RGS6: variants seen among roughly 807,000 people sequenced by gnomAD.
The protein encoded by RGS6 is regulator of G-protein signaling 6.
RGS6 carries 30 observed loss-of-function variants against 78.5 expected under a neutral mutation model. The ratio of observed to expected loss-of-function variants is 0.38; its 90% CI spans 0.29 to 0.52. The LOEUF is 0.52. Among genes scored for constraint, RGS6 ranks in the 20% least tolerant of loss-of-function variants. RGS6 has a pLI of 0.85. For synonymous variants in RGS6, 206 were observed against 206.0 expected (o/e 1.00, Z 0.00); for missense variants, 495 against 609.7 (o/e 0.81, Z 1.98).
At chr14:72,388,604 G>T (rs2089011050) in intron 3 of RGS6, among the ~76,000 whole-genome samples, 1 of 152,118 alleles carries the variant, frequency 6.6e-6, no homozygotes, top group South Asian at 2.1e-4. Context: ...AGAGTACATG[G>T]TCATTTCTCC....
chr14:72,540,576 C>T (rs187022013), intron 17 of RGS6: 223 of 1,529,994 alleles, frequency 1.5e-4, no homozygotes, highest in African/African-American at 1.1e-3. Flanking sequence ...GCTGTGTAGG[C>T]GGCTTTTGCT....
chr14:72,363,918 A>C (rs2081968637), intron 3 of RGS6, among the ~76,000 whole-genome samples: 1 of 151,282 alleles, frequency 6.6e-6, no homozygotes, highest in Non-Finnish European at 1.5e-5. Context: ...ACAAAACTCA[A>C]GAATCTGAAA....
intron 3 of RGS6, among the ~76,000 whole-genome samples, chr14:72,399,400 T>A (rs1269410347): frequency 6.6e-6 from 1 of 152,068 alleles, no homozygotes; most frequent in African/African-American, 2.4e-5. Flanking sequence ...TCTTCCTCCA[T>A]CCCTTTATTT....
chr14:72,107,524 A>G (rs2095658625), intron 2 of RGS6, among the ~76,000 whole-genome samples: 1 of 152,166 alleles, frequency 6.6e-6, no homozygotes, highest in South Asian at 2.1e-4. Context: ...AAATGTCAAA[A>G]CCACAAACCA....
chr14:72,629,842 G>T, the RGS6 span: 2 of 908,230 alleles, frequency 2.2e-6, no homozygotes. Flanking sequence ...GCAGGGCAGG[G>T]TAGCATGACG....
chr14:72,093,033 AGTGTGTGTGT>A (rs10567555), intron 2 of RGS6, among the ~76,000 whole-genome samples: 5 of 149,662 alleles, frequency 3.3e-5, no homozygotes, highest in Admixed American at 2.0e-4. Flanking sequence ...ACATACCAAA[AGTGTGTGTGT>A]GTGTGTGTGT....
intron 2 of RGS6, among the ~76,000 whole-genome samples, chr14:72,013,516 A>C (rs2086304358): frequency 6.6e-6 from 1 of 152,180 alleles, no homozygotes; most frequent in South Asian, 2.1e-4. Flanking sequence ...TGAAGGAAGA[A>C]TTAGTCTTGT....
intron 15 of RGS6, among the ~76,000 whole-genome samples, chr14:72,527,517 A>C (rs1308903375): frequency 1.3e-5 from 2 of 152,230 alleles, no homozygotes; most frequent in Admixed American, 6.5e-5. Context: ...ACTACTTCAG[A>C]GCAAACATCA....
At chr14:71,998,361 T>TGG (rs2082774842) in intron 2 of RGS6, among the ~76,000 whole-genome samples, 1 of 152,268 alleles carries the variant, frequency 6.6e-6, no homozygotes, top group African/African-American at 2.4e-5. Flanking sequence ...TTAGTGACTT[T>TGG]GGGGGCCCAA....
At chr14:72,521,375 C>G (rs1672436271) in intron 15 of RGS6, among the ~76,000 whole-genome samples, 2 of 152,200 alleles carry the variant, frequency 1.3e-5, no homozygotes, top group South Asian at 4.1e-4. Context: ...TTTAGTCAAC[C>G]AGTCCTCTCT....
chr14:72,339,483 G>A (rs749276057), intron 2 of RGS6, among the ~76,000 whole-genome samples: 10 of 152,198 alleles, frequency 6.6e-5, no homozygotes, highest in Non-Finnish European at 8.8e-5. Context: ...AGCCCATTCT[G>A]TTGAATCCTT....
intron 3 of RGS6, among the ~76,000 whole-genome samples, chr14:72,413,999 A>T (rs2093620343): frequency 1.3e-5 from 2 of 152,174 alleles, no homozygotes; most frequent in African/African-American, 4.8e-5. Context: ...GCTGCTCTTA[A>T]CATTTTTTCC....
chr14:72,309,374 C>T (rs1419982567), intron 2 of RGS6, among the ~76,000 whole-genome samples: 1 of 152,212 alleles, frequency 6.6e-6, no homozygotes, highest in African/African-American at 2.4e-5. Flanking sequence ...AAACCTAGCA[C>T]ACCATTTGGC....
intron 7 of RGS6, 68 bp downstream of exon 7, chr14:72,465,890 GTTTAT>G: frequency 3.0e-6 from 4 of 1,316,746 alleles, no homozygotes; most frequent in South Asian, 1.2e-5. Flanking sequence ...CTCCGTCTAA[GTTTAT>G]TTTTTTTTTC....
upstream of RGS6, among the ~76,000 whole-genome samples, chr14:71,927,974 T>A (rs938733762): frequency 6.6e-6 from 1 of 152,110 alleles, no homozygotes; most frequent in Non-Finnish European, 1.5e-5. Context: ...CCTTTTTTTT[T>A]AAACCTCAGA....
chr14:72,393,355 T>C (rs1596682585), intron 3 of RGS6, among the ~76,000 whole-genome samples: 1 of 152,178 alleles, frequency 6.6e-6, no homozygotes, highest in Non-Finnish European at 1.5e-5. Flanking sequence ...ATGCAAAGCT[T>C]TATAGCCTTT....
At chr14:72,500,276 C>G (rs1231485100) in intron 13 of RGS6, among the ~76,000 whole-genome samples, 4 of 152,208 alleles carry the variant, frequency 2.6e-5, no homozygotes, top group Non-Finnish European at 5.9e-5. Flanking sequence ...GTTCTGTCCA[C>G]TTACAGGCAG....
At chr14:72,297,693 C>T (rs1038192461) in intron 2 of RGS6, among the ~76,000 whole-genome samples, 23 of 148,406 alleles carry the variant, frequency 1.5e-4, no homozygotes, top group Admixed American at 2.7e-4. Context: ...TTTGTTCTTG[C>T]GATAGTTTAC....
intron 2 of RGS6, among the ~76,000 whole-genome samples, chr14:71,987,452 A>G (rs1185135116): frequency 3.3e-5 from 5 of 152,222 alleles, no homozygotes; most frequent in African/African-American, 1.2e-4. Flanking sequence ...CAAAATGAAT[A>G]AAAGGAAGAC....
Sources: gnomAD v4.1 joint callset for allele counts (sites outside exome capture counted in the v4.1 genomes callset) on GRCh38, gnomAD v4.1.1 for gene constraint, MANE v1.5 for transcripts, NCBI Gene and HGNC (gene_info 2026-07-23, HGNC 2026-07-21) for gene names.